Variants in PPARGC1A observed in about 807,000 individuals in gnomAD.
The protein encoded by PPARGC1A is peroxisome proliferator-activated receptor gamma coactivator 1-alpha.
In PPARGC1A, 25 loss-of-function variants were observed where a neutral mutation model predicts 88.7. The ratio of observed to expected loss-of-function variants is 0.28; its 90% confidence interval spans 0.21 to 0.39. The LOEUF (loss-of-function observed/expected upper bound fraction) is 0.39. Among genes scored for constraint, PPARGC1A ranks in the 10% least tolerant of loss-of-function variants. PPARGC1A has a pLI of 1.00. For missense variants in PPARGC1A, 880 were observed against 968.7 expected (o/e 0.91, Z 1.22); for synonymous variants, 363 against 355.6 (o/e 1.02, Z -0.24).
chr4:24,155,109 G>A, the PPARGC1A span, among the ~76,000 whole-genome samples: 1 of 146,642 alleles, frequency 6.8e-6, no homozygotes, highest in East Asian at 1.9e-4. Context: ...CTTTCTCTTC[G>A]AACCTCGGTT....
At chr4:24,229,883 C>G in the PPARGC1A span, among the ~76,000 whole-genome samples, 76 of 150,668 alleles carry the variant, frequency 5.0e-4, 1 homozygote, top group Non-Finnish European at 1.8e-4. Flanking sequence ...GCAGGGAAAG[C>G]TTTCTGTTCA....
At chr4:24,282,277 T>C in the PPARGC1A span, among the ~76,000 whole-genome samples, 1 of 152,202 alleles carries the variant, frequency 6.6e-6, no homozygotes, top group Non-Finnish European at 1.5e-5. Context: ...CATAACCATG[T>C]AACCAAGCAA....
the PPARGC1A span, among the ~76,000 whole-genome samples, chr4:24,119,029 T>G: frequency 1.3e-5 from 2 of 152,216 alleles, no homozygotes. Flanking sequence ...CGCATCACCT[T>G]GTACAGTCAA....
the PPARGC1A span, among the ~76,000 whole-genome samples, chr4:24,466,698 C>T: frequency 3.3e-5 from 5 of 151,652 alleles, no homozygotes; most frequent in Non-Finnish European, 7.4e-5. Context: ...TTTGGGAGGC[C>T]GAGGTCAGGA....
chr4:23,805,182 C>T (rs1458304364), intron 10 of PPARGC1A, among the ~76,000 whole-genome samples: 2 of 151,700 alleles, frequency 1.3e-5, no homozygotes, highest in African/African-American at 4.9e-5. Context: ...TTCTCTGAGA[C>T]TCTCCAATAC....
At chr4:24,442,415 G>T in the PPARGC1A span, among the ~76,000 whole-genome samples, 4 of 152,116 alleles carry the variant, frequency 2.6e-5, no homozygotes, top group Non-Finnish European at 5.9e-5. Context: ...GGGCTGCATG[G>T]ATAGTTTTAA....
At chr4:23,914,297 C>A in the PPARGC1A span, among the ~76,000 whole-genome samples, 2 of 152,134 alleles carry the variant, frequency 1.3e-5, no homozygotes, top group South Asian at 2.1e-4. Context: ...TTTTTAATAT[C>A]CTTTTCTATA....
intron 2 of PPARGC1A, among the ~76,000 whole-genome samples, chr4:23,848,914 C>T (rs1397624674): frequency 6.6e-6 from 1 of 151,998 alleles, no homozygotes; most frequent in African/African-American, 2.4e-5. Flanking sequence ...GAGGCCGAGG[C>T]GGGCAGATCA....
the PPARGC1A span, among the ~76,000 whole-genome samples, chr4:24,051,252 G>A: frequency 6.7e-6 from 1 of 149,328 alleles, no homozygotes; most frequent in African/African-American, 2.5e-5. Flanking sequence ...TTTATTGCAT[G>A]GGAACCATAC....
chr4:23,994,415 A>G, the PPARGC1A span, among the ~76,000 whole-genome samples: 1 of 152,082 alleles, frequency 6.6e-6, no homozygotes, highest in South Asian at 2.1e-4. Flanking sequence ...TGAGGAGAAA[A>G]GTGGTCTGTG....
chr4:23,973,468 A>C, the PPARGC1A span, among the ~76,000 whole-genome samples: 1 of 152,220 alleles, frequency 6.6e-6, no homozygotes, highest in Non-Finnish European at 1.5e-5. Flanking sequence ...GAAATTGCAC[A>C]CAAATTTGTT....
the PPARGC1A span, among the ~76,000 whole-genome samples, chr4:24,358,800 C>T: frequency 2.6e-5 from 4 of 152,226 alleles, no homozygotes; most frequent in Non-Finnish European, 1.5e-5. Context: ...GATGACCTCC[C>T]CTGCCCTGAT....
At chr4:24,463,697 T>C in the PPARGC1A span, among the ~76,000 whole-genome samples, 1 of 152,136 alleles carries the variant, frequency 6.6e-6, no homozygotes, top group African/African-American at 2.4e-5. Flanking sequence ...CAAAATCAGC[T>C]TCCTCAGTAG....
At chr4:23,917,278 G>T in the PPARGC1A span, among the ~76,000 whole-genome samples, 3 of 152,180 alleles carry the variant, frequency 2.0e-5, no homozygotes, top group East Asian at 5.8e-4. Context: ...TGCTGTAAGT[G>T]GCAGATTTCA....
At chr4:24,111,116 T>G in the PPARGC1A span, among the ~76,000 whole-genome samples, 1 of 152,226 alleles carries the variant, frequency 6.6e-6, no homozygotes, top group African/African-American at 2.4e-5. Flanking sequence ...CCTAGGGAGA[T>G]TATTGCAAAC....
the PPARGC1A span, among the ~76,000 whole-genome samples, chr4:24,003,818 T>G: frequency 2.1e-5 from 1 of 47,780 alleles, no homozygotes; most frequent in African/African-American, 8.9e-5. Context: ...AGGATCAGAT[T>G]GATTTTTTTT....
chr4:23,873,353 A>G (rs1713991421), intron 2 of PPARGC1A, among the ~76,000 whole-genome samples: 1 of 152,150 alleles, frequency 6.6e-6, no homozygotes, highest in Non-Finnish European at 1.5e-5. Flanking sequence ...TGTTGAAGTT[A>G]GCAGCTTAAG....
the PPARGC1A span, among the ~76,000 whole-genome samples, chr4:24,206,166 C>T: frequency 6.6e-6 from 1 of 152,086 alleles, no homozygotes; most frequent in Non-Finnish European, 1.5e-5. Flanking sequence ...AAATAAAGGG[C>T]CAAATAACCC....
the PPARGC1A span, among the ~76,000 whole-genome samples, chr4:24,319,712 C>A: frequency 1.3e-5 from 2 of 152,170 alleles, no homozygotes; most frequent in East Asian, 3.9e-4. Flanking sequence ...GTTCTCTCTG[C>A]AGTTACGGCT....
Sources: gnomAD v4.1 joint callset for allele counts (sites outside exome capture counted in the v4.1 genomes callset) on GRCh38, gnomAD v4.1.1 for gene constraint, MANE v1.5 for transcripts, NCBI Gene and HGNC (gene_info 2026-07-23, HGNC 2026-07-21) for gene names.